ADCY7: variants seen among roughly 807,000 people sequenced by gnomAD.
ADCY7 encodes the protein adenylate cyclase type 7.
A neutral mutation model predicts 120.6 loss-of-function variants in ADCY7; 72 were observed. The ratio of observed to expected loss-of-function variants is 0.60; its 90% CI spans 0.49 to 0.73. ADCY7 has a LOEUF of 0.73. Ranked by LOEUF, ADCY7 falls within the 30% of genes least tolerant of loss-of-function variation. The pLI is 0.00. For synonymous variants in ADCY7, 661 were observed against 628.0 expected (o/e 1.05, Z -0.78); for missense variants, 1,227 against 1,486.0 (o/e 0.83, Z 2.87).
At chr16:50,300,978 G>A in intron 9 of ADCY7, 104 bp from the exon 10 acceptor site, 2 of 1,535,008 alleles carry the variant, frequency 1.3e-6, no homozygotes, top group Non-Finnish European at 1.8e-6. Context: ...AGAGATGAAT[G>A]TAGAAAAGCT....
intron 1 of ADCY7, among the ~76,000 whole-genome samples, chr16:50,248,487 ACACT>A (rs1392233614): frequency 2.0e-5 from 3 of 152,208 alleles, no homozygotes; most frequent in Non-Finnish European, 4.4e-5. Flanking sequence ...TTGACGCCAA[ACACT>A]CACACTGCAG....
rs1376220449 is a variant in ADCY7, at chr16:50,293,358, A to C, written c.692A>C (p.Asn231Thr). Residue 231 changes from asparagine to threonine, a missense_variant, in exon 6 of 26, where the codon AAC becomes ACC. Asn to Thr is a moderately conservative substitution (Grantham distance 65). Around this residue, in one of 5 missense-constraint regions of ADCY7, gnomAD observed 382 missense variants for 411.4 expected, o/e 0.93. Transcript: ENST00000673801. The part of the protein sequence containing the change: ...KLRIEKRQQE[N>T]LLLSVLPAHI... ...GGTCTGCCCACCCACACCCAGGAGAACCTGCTGCTGTCAGTGCTTCCGGCC... is the reference window on the plus strand; with the variant it reads ...GGTCTGCCCACCCACACCCAGGAGACCCTGCTGCTGTCAGTGCTTCCGGCC... The C allele has an allele frequency of 3.1e-6, 5 of 1,612,732 alleles. No homozygotes were observed. Among genetic ancestry groups the C allele is most frequent in the Non-Finnish European group, 4.2e-6 (5 of 1,179,166 alleles).
chr16:50,252,161 C>T (rs1359394903), intron 1 of ADCY7, among the ~76,000 whole-genome samples: 1 of 152,142 alleles, frequency 6.6e-6, no homozygotes, highest in Non-Finnish European at 1.5e-5. Flanking sequence ...TGTATGTAGG[C>T]AGGCAGTCCT....
rs772608421 is a variant in ADCY7, at chr16:50,288,367, C to G, written c.171+17C>G. The G allele has an allele frequency of 1.3e-6, 2 of 1,528,426 alleles. No individual in the cohort carries two copies. Among genetic ancestry groups the G allele is most frequent in the Non-Finnish European group, 1.8e-6 (2 of 1,131,938 alleles). 94.7% of individuals were successfully genotyped at this position (1,528,426 alleles called of 1,614,324 possible). A position where few individuals can be genotyped will look rare whatever the true frequency, so the allele number is the denominator to read the frequency against. On this transcript the variant is annotated intron_variant, in intron 2 of 25. Transcript: ENST00000673801. The stretch of plus-strand genomic sequence containing the variant: ...AGCCAGGGGGTGAGTGAGGGCAGCC[C>G]CTGGGCTTCACGTCTCGGCCCCAAC...
At position 50,253,705 on chromosome 16, in the gene ADCY7, G is replaced by A. The variant is rs191506046; in HGVS notation, c.-64+7502G>A. ...AGAGGATGAGACAGGGAGGGGCTCC[G>A]GGGGGAGGGCTTTGCCAGGAGTGTG... On this transcript the variant is annotated intron_variant, in intron 1 of 4. Coordinates refer to the ADCY7 transcript ENST00000564044. 2.6e-4 allele frequency among the ~76,000 whole-genome samples: 40 copies of A among 152,232 alleles called. No homozygotes were observed. In the South Asian group the frequency reaches 3.7e-3, roughly 14 times the overall value.
chr16:50,255,338 C>A (rs1373997300), intron 1 of ADCY7, among the ~76,000 whole-genome samples: 1 of 137,424 alleles, frequency 7.3e-6, no homozygotes, highest in Non-Finnish European at 1.5e-5. Context: ...AGAGATAGGG[C>A]CATCTAAAGT....
chr16:50,312,173 C>T lies in ADCY7; in HGVS notation c.2586C>T (p.Ile862=), dbSNP rs77617432. The change falls in exon 21 of 26, where the codon ATC becomes ATT. Residue 862 remains isoleucine, a synonymous_variant. Coordinates refer to ENST00000673801, the MANE Select transcript of ADCY7 (RefSeq NM_001114.5). ...VLPAHVAAHF[I]GDKLNEDWYH... ...CAGCCCACGTGGCTGCCCACTTTAT[C>T]GGTGACAAGTTAAACGAGGTGTGCT... 955 of 1,614,070 alleles carry T rather than the reference C, an allele frequency of 5.9e-4. 3 individuals carry two copies. The highest frequency in any genetic ancestry group is 4.5e-3 in the Middle Eastern group (27 of 6,062).
intron 1 of ADCY7, among the ~76,000 whole-genome samples, chr16:50,282,327 G>T (rs146539805): frequency 1.8e-4 from 27 of 152,348 alleles, no homozygotes; most frequent in African/African-American, 6.5e-4. Context: ...CAGGGACCTG[G>T]CCCTGCAGTT....
chr16:50,300,902 C>T (rs774046376), intron 9 of ADCY7, 29 bp downstream of exon 9: 1 of 1,551,094 alleles, frequency 6.4e-7, no homozygotes, highest in Non-Finnish European at 8.7e-7. Flanking sequence ...GCCGCAGGGA[C>T]AGAGGCCTGG....
Position 50,297,998 on chromosome 16 carries a change from A to G in ADCY7, c.949-906A>G, listed in dbSNP as rs984723233. On this transcript the variant is annotated intron_variant, in intron 7 of 25. Transcript: ENST00000673801. The surrounding 1 kb of genome is among the most constrained non-coding windows in gnomAD (Gnocchi z 4.4). ...CTGAGGGCTTAAGGAGGGTCTGGTG[A>G]CGCAGCAGTGCCTCAGATGAACCTC... Among the ~76,000 whole-genome samples the G allele has an allele frequency of 4.0e-5, 6 of 151,130 alleles. No homozygotes were observed. The highest frequency in any genetic ancestry group is 1.5e-4 in the African/African-American group (6 of 41,030).
At chr16:50,294,259 T>C (rs1451447655) in intron 6 of ADCY7, among the ~76,000 whole-genome samples, 1 of 152,158 alleles carries the variant, frequency 6.6e-6, no homozygotes, top group Non-Finnish European at 1.5e-5. Context: ...GGAGGTTGGC[T>C]TGAGGGAGCA....
At chr16:50,295,224 G>T (rs1342037226) in intron 7 of ADCY7, among the ~76,000 whole-genome samples, 2 of 152,132 alleles carry the variant, frequency 1.3e-5, no homozygotes, top group Non-Finnish European at 2.9e-5. Flanking sequence ...TGTCATGAAG[G>T]CTGGAGTGCA....
chr16:50,311,101 G>T (rs3826173), intron 19 of ADCY7, among the ~76,000 whole-genome samples: 36,736 of 152,066 alleles, frequency 0.24, 4,741 homozygotes, highest in African/African-American at 0.31. Context: ...TTCCAGGCCA[G>T]TCTAGTGGTG....
rs973577307 is a variant in ADCY7 at position 50,293,529 on chromosome 16, T to C, written c.836+27T>C. The C allele has an allele frequency of 5.0e-6, 8 of 1,610,206 alleles. No individual in the cohort carries two copies. The African/African-American group carries it at 9.4e-5, about 19-fold the overall frequency. On this transcript the variant is annotated intron_variant, in intron 6 of 25. Transcript: ENST00000673801. ...TGGGCGGTGAGACGTGTGATTAGCA[T>C]ATCCCGGGGACTGGGCCCACCGTTC...
In ADCY7 at chr16:50,317,307, CTT is replaced by C. The variant is rs1241038779; in HGVS notation, c.*1806_*1807del. The C allele has an allele frequency of 1.3e-5, 2 of 152,558 alleles. No homozygotes were observed. The highest frequency in any genetic ancestry group is 2.9e-5 in the Non-Finnish European group (2 of 68,034). 9.5% of individuals were successfully genotyped at this position (152,558 alleles called of 1,614,324 possible). On this transcript the variant is annotated 3_prime_UTR_variant, in exon 26 of 26. Transcript: ENST00000673801. ...AAGTTGCCTTTTTTACACACCAAAA[CTT>C]TTTACATGAAGGGCTGGTTTCACAT... is the stretch of plus-strand genomic sequence containing the variant.
chr16:50,307,031 C>T lies in ADCY7; in HGVS notation c.1753-19C>T, dbSNP rs564324767. On this transcript the variant is annotated intron_variant, in intron 14 of 25. Coordinates refer to ENST00000673801, the MANE Select transcript of ADCY7 (RefSeq NM_001114.5). ...TGGCACTGCTGGTGGCCACCCCTCA[C>T]AGTCCCTGCTGCCCCCAGTACCGCC... 7.5e-6 allele frequency: 12 copies of T among 1,599,684 alleles called. No individual in the cohort carries two copies. The highest frequency in any genetic ancestry group is 6.7e-5 in the Admixed American group (4 of 59,628).
At chr16:50,308,524 G>A in intron 16 of ADCY7, 113 bp downstream of exon 16, 1 of 1,565,284 alleles carries the variant, frequency 6.4e-7, no homozygotes, top group Non-Finnish European at 8.6e-7. Flanking sequence ...GTCAAGGTTG[G>A]GTGCCCATCT....
intron 8 of ADCY7, 26 bp from the exon 9 acceptor site, chr16:50,300,689 G>A (rs2035655110): frequency 1.3e-6 from 2 of 1,550,634 alleles, no homozygotes; most frequent in Non-Finnish European, 1.7e-6. Flanking sequence ...AGGCAGGGCT[G>A]GGGTGACTGG....
chr16:50,258,208 C>A (rs909659933), intron 1 of ADCY7, among the ~76,000 whole-genome samples: 1 of 152,084 alleles, frequency 6.6e-6, no homozygotes, highest in Non-Finnish European at 1.5e-5. Flanking sequence ...TGCACTCCAG[C>A]CTGGGTGACA....
Sources: gnomAD v4.1 joint callset for allele counts (sites outside exome capture counted in the v4.1 genomes callset) on GRCh38, gnomAD v4.1.1 for gene constraint, gnomAD v4.1.1 regional missense constraint, Gnocchi (gnomAD v3.1) non-coding constraint, MANE v1.5 for transcripts, NCBI Gene and HGNC (gene_info 2026-07-23, HGNC 2026-07-21) for gene names.